Variants in CHRNA3 observed in about 807,000 individuals in gnomAD.
CHRNA3 encodes neuronal acetylcholine receptor subunit alpha-3.
CHRNA3 carries 34 observed loss-of-function variants against 41.9 expected under a neutral mutation model. The ratio of observed to expected loss-of-function variants is 0.81; its 90% CI spans 0.62 to 1.08. CHRNA3 has a LOEUF of 1.08. Among genes scored for constraint, CHRNA3 ranks in the 50% least tolerant of loss-of-function variants. The pLI is 0.00. For synonymous variants in CHRNA3, 281 were observed against 265.2 expected, an observed-to-expected ratio of 1.06 and a Z score of -0.58; for missense variants, 542 against 638.3, an observed-to-expected ratio of 0.85 and a Z score of 1.63.
intron 4 of CHRNA3, among the ~76,000 whole-genome samples, chr15:78,604,622 A>G (rs2053254815): frequency 6.6e-6 from 1 of 152,186 alleles, no homozygotes; most frequent in South Asian, 2.1e-4. Flanking sequence ...CTAGCAGAAG[A>G]CAGAACATGC....
At position 78,618,486 on chromosome 15, in the gene CHRNA3, C is replaced by T. The variant is rs1037834877; in HGVS notation, c.267+131G>A. 29 of 990,434 alleles carry T rather than the reference C, an allele frequency of 2.9e-5. No homozygotes were observed. In the Admixed American group the frequency reaches 5.9e-4, roughly 20 times the overall value. The allele number at this position is 990,434 out of a possible 1,614,324, so 61.4% of individuals were successfully genotyped here. On this transcript the variant is annotated intron_variant, in intron 3 of 5. Transcript: ENST00000326828. The stretch of plus-strand genomic sequence containing the variant: ...CAAGCCTTAGAAGAGATATATCTGC[C>T]AGTCAGTGGACCCCAATCTGGGTTC...
At chr15:78,615,739 A>ATT (rs532401932) in intron 4 of CHRNA3, among the ~76,000 whole-genome samples, 58 of 101,854 alleles carry the variant, frequency 5.7e-4, no homozygotes, top group Non-Finnish European at 7.7e-4. Flanking sequence ...AGGCACCTGT[A>ATT]TTTTTTTTTT....
chr15:78,617,316 G>A (rs1381829777), intron 3 of CHRNA3, among the ~76,000 whole-genome samples, 183 bp from the exon 4 acceptor site: 1 of 152,066 alleles, frequency 6.6e-6, no homozygotes, highest in Non-Finnish European at 1.5e-5. Flanking sequence ...GCACACGGCT[G>A]GCTCTGCGGG....
intron 5 of CHRNA3, among the ~76,000 whole-genome samples, chr15:78,597,414 G>C (rs80116812): frequency 1.5e-4 from 22 of 148,830 alleles, no homozygotes; most frequent in Non-Finnish European, 3.0e-4. Context: ...CTGGGCAACA[G>C]AGCGAGACCC....
chr15:78,594,232 C>T (rs763715676), downstream of CHRNA3: 5 of 152,168 alleles, frequency 3.3e-5, no homozygotes, highest in African/African-American at 4.8e-5. Context: ...CCTGTGGACA[C>T]GCAGTAGCAT....
chr15:78,605,134 C>T (rs1439910651), intron 4 of CHRNA3, among the ~76,000 whole-genome samples: 1 of 151,942 alleles, frequency 6.6e-6, no homozygotes, highest in Non-Finnish European at 1.5e-5. Context: ...AGTATGGGTG[C>T]AAATGATCAG....
chr15:78,619,836 T>C (rs1039092946), intron 1 of CHRNA3: 6 of 152,174 alleles, frequency 3.9e-5, no homozygotes, highest in African/African-American at 1.4e-4. Context: ...TCCTCAGGTC[T>C]TGAAATAGGA....
At chr15:78,617,184 G>T in intron 3 of CHRNA3, 51 bp from the exon 4 acceptor site, 1 of 1,304,620 alleles carries the variant, frequency 7.7e-7, no homozygotes, top group Non-Finnish European at 1.1e-6. Context: ...GAATCAGCCT[G>T]GTTTTACTTC....
At chr15:78,614,466 C>T (rs995337064) in intron 4 of CHRNA3, among the ~76,000 whole-genome samples, 1 of 152,156 alleles carries the variant, frequency 6.6e-6, no homozygotes, top group African/African-American at 2.4e-5. Flanking sequence ...CTTGGGAAAA[C>T]AGTAAATAAA....
At chr15:78,593,328 G>A (rs1456518727), downstream of CHRNA3, 4 of 1,390,682 alleles carry the variant, frequency 2.9e-6, no homozygotes, top group African/African-American at 2.9e-5. Context: ...TTATGAAAAT[G>A]TAAGTTATGT....
At chr15:78,601,165 C>T (rs1313282307) in intron 5 of CHRNA3, 88 bp downstream of exon 5, 1 of 1,369,802 alleles carries the variant, frequency 7.3e-7, no homozygotes, top group Admixed American at 2.0e-5. Context: ...AATTTCTTAA[C>T]CCCCTACCCT....
At chr15:78,617,002 C>A (rs373499423) in intron 4 of CHRNA3, 22 bp downstream of exon 4, 1 of 1,561,564 alleles carries the variant, frequency 6.4e-7, no homozygotes, top group Admixed American at 1.7e-5. Flanking sequence ...CCTGAGAGGG[C>A]GTGGGCCCCC....
chr15:78,615,994 G>A (rs1421591009), intron 4 of CHRNA3, among the ~76,000 whole-genome samples: 6 of 149,576 alleles, frequency 4.0e-5, no homozygotes, highest in Non-Finnish European at 7.4e-5. Context: ...CTCCTGCCTC[G>A]GCCTCCCAAA....
intron 4 of CHRNA3, among the ~76,000 whole-genome samples, chr15:78,604,145 T>G (rs906777089): frequency 1.3e-5 from 2 of 152,156 alleles, no homozygotes; most frequent in South Asian, 2.1e-4. Flanking sequence ...AAATAAAATC[T>G]GGGGGGAATA....
At chr15:78,617,377 C>T (rs763209544) in intron 3 of CHRNA3, among the ~76,000 whole-genome samples, 1 of 152,136 alleles carries the variant, frequency 6.6e-6, no homozygotes, top group Non-Finnish European at 1.5e-5. Context: ...TGAGCAAGCC[C>T]AGCCCCTCAT....
intron 4 of CHRNA3, among the ~76,000 whole-genome samples, chr15:78,615,394 G>A (rs12443170): frequency 0.12 from 18,171 of 152,152 alleles, 1,430 homozygotes; most frequent in South Asian, 0.33. Context: ...TCACAGCATC[G>A]GCCTCCTGCA....
downstream of CHRNA3, chr15:78,595,250 T>G: frequency 1.0e-6 from 1 of 975,180 alleles, no homozygotes; most frequent in Non-Finnish European, 1.2e-6. Flanking sequence ...ATGATTTTTA[T>G]ATATAAATTT....
intron 4 of CHRNA3, among the ~76,000 whole-genome samples, chr15:78,604,523 G>A (rs898147838): frequency 3.9e-5 from 6 of 152,152 alleles, no homozygotes; most frequent in African/African-American, 1.4e-4. Flanking sequence ...TGGTCACTGT[G>A]GCTGCTGCCC....
chr15:78,617,531 C>T (rs2053482299), intron 3 of CHRNA3, among the ~76,000 whole-genome samples: 1 of 152,180 alleles, frequency 6.6e-6, no homozygotes, highest in Non-Finnish European at 1.5e-5. Context: ...AACATAGACA[C>T]TCTTTCACCC....
Sources: gnomAD v4.1 joint callset for allele counts (sites outside exome capture counted in the v4.1 genomes callset) on GRCh38, gnomAD v4.1.1 for gene constraint, MANE v1.5 for transcripts, NCBI Gene and HGNC (gene_info 2026-07-23, HGNC 2026-07-21) for gene names.